HORMAD2: variants seen among roughly 807,000 people sequenced by gnomAD.
The protein encoded by HORMAD2 is HORMA domain-containing protein 2.
In HORMAD2, 45 loss-of-function variants were observed where a neutral mutation model predicts 38.8. That is an observed-to-expected ratio of 1.16 (90% CI 0.91 to 1.49). HORMAD2 has a LOEUF of 1.49. Among genes scored for constraint, HORMAD2 ranks in the 40% most tolerant of loss-of-function variants. HORMAD2 has a pLI of 0.00. For synonymous variants in HORMAD2, 126 were observed against 122.8 expected, an observed-to-expected ratio of 1.03 and a Z score of -0.17; for missense variants, 338 against 367.0, an observed-to-expected ratio of 0.92 and a Z score of 0.65.
intron 1 of HORMAD2, among the ~76,000 whole-genome samples, chr22:30,081,841 T>C (rs2068482800): frequency 6.6e-6 from 1 of 152,168 alleles, no homozygotes; most frequent in African/African-American, 2.4e-5. Flanking sequence ...CACCTCGGCC[T>C]CCCAGAGTGC....
chr22:30,179,867 A>T (rs747369039), downstream of HORMAD2, among the ~76,000 whole-genome samples: 2 of 152,060 alleles, frequency 1.3e-5, no homozygotes, highest in East Asian at 3.9e-4. Context: ...CTTTAGTAGT[A>T]AAGTAGTAAA....
At chr22:30,126,979 T>C (rs1922911718) in intron 10 of HORMAD2, among the ~76,000 whole-genome samples, 1 of 152,158 alleles carries the variant, frequency 6.6e-6, no homozygotes, top group South Asian at 2.1e-4. Flanking sequence ...TTTATATGTT[T>C]ATTGGCCATG....
chr22:30,110,584 C>G (rs184165265), intron 5 of HORMAD2, among the ~76,000 whole-genome samples: 1 of 151,808 alleles, frequency 6.6e-6, no homozygotes, highest in Non-Finnish European at 1.5e-5. Flanking sequence ...CAGAGTTTCA[C>G]CATGTTTCCC....
chr22:30,183,417 G>A, the HORMAD2 span, among the ~76,000 whole-genome samples: 1 of 152,156 alleles, frequency 6.6e-6, no homozygotes, highest in South Asian at 2.1e-4. Flanking sequence ...CAGCTTTCGT[G>A]TTACAGGCCT....
chr22:30,129,421 TAACA>T (rs758486960), intron 10 of HORMAD2, among the ~76,000 whole-genome samples: 35 of 152,012 alleles, frequency 2.3e-4, no homozygotes, highest in Non-Finnish European at 3.5e-4. Flanking sequence ...TAATATTAAC[TAACA>T]ATTTCGAGCA....
chr22:30,103,610 T>A (rs958447243), intron 4 of HORMAD2, 110 bp downstream of exon 4: 22 of 569,442 alleles, frequency 3.9e-5, no homozygotes, highest in African/African-American at 1.0e-4. Flanking sequence ...CATTTCTTCT[T>A]TTCTACTTTC....
In HORMAD2 at chr22:30,093,989, C is replaced by T; in HGVS notation, c.37C>T (p.His13Tyr). The T allele has an allele frequency of 6.2e-7, 1 of 1,605,626 alleles. No homozygotes were observed. The highest frequency in any genetic ancestry group is 8.5e-7 in the Non-Finnish European group (1 of 1,174,402). Residue 13 changes from histidine (H) to tyrosine (Y), a missense_variant, in exon 2 of 11, where the codon CAC becomes TAC. Coordinates refer to ENST00000336726, the MANE Select transcript of HORMAD2 (RefSeq NM_152510.4). ...TCAGCTTTCTCACTGCATCACAATA[C>T]ACAAGGCTTCTAAGGTATTTGTTAA... is the stretch of plus-strand genomic sequence containing the variant. Reference protein sequence around the residue: ...TAQLSHCITIHKASKETVFPS... With the variant: ...TAQLSHCITIYKASKETVFPS...
In HORMAD2 at chr22:30,118,684, T is replaced by G. The variant is rs563638900; in HGVS notation, c.343-296T>G. 2.0e-5 allele frequency among the ~76,000 whole-genome samples: 3 copies of G among 152,350 alleles called. No homozygotes were observed. The East Asian group carries it at 5.8e-4, about 29-fold the overall frequency. ...CATGAATGAATGGTTTCTCAACTGT[T>G]TCCACTGTTGTTTACCTAGTTTGGT... On this transcript the variant is annotated intron_variant, in intron 7 of 10. Coordinates refer to ENST00000336726, the MANE Select transcript of HORMAD2 (RefSeq NM_152510.4).
chr22:30,131,107 A>T (rs1923255038), intron 10 of HORMAD2, among the ~76,000 whole-genome samples: 1 of 152,202 alleles, frequency 6.6e-6, no homozygotes. Flanking sequence ...ATATGGTGCT[A>T]ATCAACATAT....
intron 10 of HORMAD2, among the ~76,000 whole-genome samples, chr22:30,127,840 A>G (rs898263271): frequency 1.3e-5 from 2 of 152,214 alleles, no homozygotes; most frequent in Non-Finnish European, 2.9e-5. Flanking sequence ...TTTTCTAAGC[A>G]ACCCAACCAG....
At chr22:30,166,346 T>C (rs1403270781) in intron 10 of HORMAD2, among the ~76,000 whole-genome samples, 2 of 152,182 alleles carry the variant, frequency 1.3e-5, no homozygotes, top group East Asian at 1.9e-4. Context: ...ATAATAAAAA[T>C]GTTCTGTATC....
intron 10 of HORMAD2, among the ~76,000 whole-genome samples, chr22:30,147,000 G>A (rs948168751): frequency 7.2e-5 from 11 of 152,120 alleles, no homozygotes; most frequent in Admixed American, 3.9e-4. Flanking sequence ...GCCAAGATGT[G>A]TACAATGAAA....
chr22:30,108,384 T>G (rs981391126), intron 5 of HORMAD2, among the ~76,000 whole-genome samples: 5 of 152,170 alleles, frequency 3.3e-5, no homozygotes, highest in African/African-American at 1.2e-4. Flanking sequence ...GTCCAGGGCA[T>G]CACTGTCATT....
the HORMAD2 span, among the ~76,000 whole-genome samples, chr22:30,205,466 C>T: frequency 7.2e-5 from 11 of 152,132 alleles, no homozygotes; most frequent in Non-Finnish European, 1.0e-4. Flanking sequence ...CAGAGAAGGC[C>T]GGTGACTGGC....
intron 10 of HORMAD2, 53 bp downstream of exon 10, chr22:30,122,267 T>C: frequency 1.3e-6 from 2 of 1,524,560 alleles, no homozygotes; most frequent in Non-Finnish European, 1.8e-6. Flanking sequence ...ACAATTGATA[T>C]TTTTCAGTTT....
the HORMAD2 span, among the ~76,000 whole-genome samples, chr22:30,205,374 G>A: frequency 6.6e-6 from 1 of 152,202 alleles, no homozygotes; most frequent in Non-Finnish European, 1.5e-5. Context: ...CAGTCAGGGA[G>A]CCAGAACACC....
chr22:30,178,437 AAGG>A (rs1926571721), downstream of HORMAD2, among the ~76,000 whole-genome samples: 1 of 152,224 alleles, frequency 6.6e-6, no homozygotes, highest in African/African-American at 2.4e-5. Context: ...GCACACACGG[AAGG>A]AGATCTGTTA....
At chr22:30,165,753 A>C (rs5753030) in intron 10 of HORMAD2, among the ~76,000 whole-genome samples, 1 of 152,028 alleles carries the variant, frequency 6.6e-6, no homozygotes. Flanking sequence ...TAGTCTGCCA[A>C]TTCCCTGGTA....
chr22:30,156,475 T>C (rs1457131744), intron 10 of HORMAD2, among the ~76,000 whole-genome samples: 1 of 152,200 alleles, frequency 6.6e-6, no homozygotes, highest in Non-Finnish European at 1.5e-5. Flanking sequence ...TTTCTTCACA[T>C]TTTTTCATCT....
Sources: gnomAD v4.1 joint callset for allele counts (sites outside exome capture counted in the v4.1 genomes callset) on GRCh38, gnomAD v4.1.1 for gene constraint, MANE v1.5 for transcripts, NCBI Gene and HGNC (gene_info 2026-07-23, HGNC 2026-07-21) for gene names.